Variants in PTGER4 observed in about 807,000 individuals in gnomAD.
PTGER4 encodes prostaglandin E receptor 4.
A neutral mutation model predicts 33.2 loss-of-function variants in PTGER4; 11 were observed. The ratio of observed to expected loss-of-function variants is 0.33; its 90% confidence interval spans 0.21 to 0.55. The LOEUF (loss-of-function observed/expected upper bound fraction) is 0.55, where lower values mean the gene tolerates loss of function less well. PTGER4 is among the 20% of genes least tolerant of loss of function. PTGER4 has a pLI of 0.92. For missense variants in PTGER4, 481 were observed against 650.2 expected, an observed-to-expected ratio of 0.74 and a Z score of 2.83; for synonymous variants, 275 against 281.5, an observed-to-expected ratio of 0.98 and a Z score of 0.23.
At chr5:40,731,452 T>A in the PTGER4 span, among the ~76,000 whole-genome samples, 1 of 152,180 alleles carries the variant, frequency 6.6e-6, no homozygotes, top group African/African-American at 2.4e-5. Context: ...GGAAAGAGGT[T>A]TAATTGACTC....
chr5:40,699,337 T>C, the PTGER4 span, among the ~76,000 whole-genome samples: 3 of 150,520 alleles, frequency 2.0e-5, no homozygotes, highest in South Asian at 6.4e-4. Context: ...ATTTACACAA[T>C]AGCTATTTTT....
chr5:40,735,326 C>A, the PTGER4 span, among the ~76,000 whole-genome samples: 1 of 152,022 alleles, frequency 6.6e-6, no homozygotes, highest in African/African-American at 2.4e-5. Context: ...AGATATGAGA[C>A]AACCAAAGTA....
the PTGER4 span, among the ~76,000 whole-genome samples, chr5:40,738,567 T>TATAAA: frequency 0.019 from 1,314 of 67,406 alleles, 49 homozygotes; most frequent in Non-Finnish European, 0.025. Context: ...TAAAATAAAA[T>TATAAA]ATAAAATAAA....
chr5:40,682,128 A>G (rs1741211811), intron 2 of PTGER4, among the ~76,000 whole-genome samples: 1 of 150,466 alleles, frequency 6.6e-6, no homozygotes. Flanking sequence ...GACAGCCCTT[A>G]CCCCTTGCTG....
At chr5:40,734,332 A>T in the PTGER4 span, among the ~76,000 whole-genome samples, 1 of 152,314 alleles carries the variant, frequency 6.6e-6, no homozygotes, top group Admixed American at 6.5e-5. Flanking sequence ...GACTGAACAG[A>T]CACAGCCCTA....
chr5:40,734,316 G>GAACAGACT, the PTGER4 span, among the ~76,000 whole-genome samples: 45,303 of 152,054 alleles, frequency 0.3, 7,001 homozygotes, highest in East Asian at 0.56. Flanking sequence ...ACTTCAGTTT[G>GAACAGACT]GAACAGACTG....
At chr5:40,730,279 A>G in the PTGER4 span, 2 of 1,607,868 alleles carry the variant, frequency 1.2e-6, no homozygotes, top group East Asian at 2.2e-5. Context: ...TTCATCTCGT[A>G]TAGGGTAGCA....
chr5:40,720,403 G>A, the PTGER4 span, among the ~76,000 whole-genome samples: 1 of 152,112 alleles, frequency 6.6e-6, no homozygotes, highest in African/African-American at 2.4e-5. Flanking sequence ...TGATCTATAT[G>A]TCTACATTAT....
the PTGER4 span, among the ~76,000 whole-genome samples, chr5:40,738,572 A>AATAAAAT: frequency 5.2e-3 from 380 of 72,518 alleles, 4 homozygotes; most frequent in African/African-American, 6.7e-3. Flanking sequence ...TAAAATATAA[A>AATAAAAT]ATAAAATAAA....
intron 2 of PTGER4, chr5:40,685,542 A>T (rs1741302457): frequency 3.7e-6 from 3 of 801,412 alleles, no homozygotes; most frequent in African/African-American, 3.7e-5. Context: ...GGCTAAGTTT[A>T]AAAAATTGCA....
At chr5:40,706,103 A>C in the PTGER4 span, among the ~76,000 whole-genome samples, 1 of 152,216 alleles carries the variant, frequency 6.6e-6, no homozygotes, top group Non-Finnish European at 1.5e-5. Context: ...CAGACTGGCT[A>C]AAGAAAATAT....
At chr5:40,694,288 C>A (rs1210846124), downstream of PTGER4, among the ~76,000 whole-genome samples, 1 of 152,178 alleles carries the variant, frequency 6.6e-6, no homozygotes, top group African/African-American at 2.4e-5. Flanking sequence ...TGGCTTCAAG[C>A]AGCCTGCCCA....
downstream of PTGER4, among the ~76,000 whole-genome samples, chr5:40,695,747 A>AAAG (rs1204558237): frequency 6.6e-6 from 1 of 152,152 alleles, no homozygotes; most frequent in Non-Finnish European, 1.5e-5. Flanking sequence ...CGGTCATAAA[A>AAAG]AAGAATGAAT....
the PTGER4 span, among the ~76,000 whole-genome samples, chr5:40,732,574 A>C: frequency 6.6e-6 from 1 of 151,902 alleles, no homozygotes; most frequent in Non-Finnish European, 1.5e-5. Flanking sequence ...CAGTACCCAG[A>C]ACATTTCTGG....
At chr5:40,707,150 T>A in the PTGER4 span, among the ~76,000 whole-genome samples, 1 of 152,160 alleles carries the variant, frequency 6.6e-6, no homozygotes, top group African/African-American at 2.4e-5. Flanking sequence ...GCTCACATCA[T>A]AATGACAGGA....
At chr5:40,712,455 A>T in the PTGER4 span, among the ~76,000 whole-genome samples, 756 of 152,244 alleles carry the variant, frequency 5.0e-3, 7 homozygotes, top group African/African-American at 0.017. Flanking sequence ...TCAATATTTT[A>T]AGTTTACTGC....
Position 40,684,174 on chromosome 5 carries a change from G to A in PTGER4, c.867+2314G>A, listed in dbSNP as rs1402747935. On this transcript the variant is annotated intron_variant, in intron 2 of 2. Coordinates refer to ENST00000302472, the MANE Select transcript of PTGER4 (RefSeq NM_000958.3). ...TACTGAAATAATCAAAAACCCTTCC[G>A]CAAATACAGTCTTCCTTGGCTTCCT... 6.7e-5 allele frequency among the ~76,000 whole-genome samples: 8 copies of A among 119,256 alleles called. No homozygotes were observed. The Admixed American group carries it at 7.4e-4, about 11-fold the overall frequency. 78.2% of individuals were successfully genotyped at this position (119,256 alleles called of 152,430 possible).
At chr5:40,682,631 T>C (rs1033833263) in intron 2 of PTGER4, among the ~76,000 whole-genome samples, 4 of 152,226 alleles carry the variant, frequency 2.6e-5, no homozygotes, top group African/African-American at 9.6e-5. Context: ...TGACTAATTA[T>C]GGACAGGCTG....
the PTGER4 span, among the ~76,000 whole-genome samples, chr5:40,707,457 G>C: frequency 6.6e-6 from 1 of 152,256 alleles, no homozygotes; most frequent in Admixed American, 6.5e-5. Flanking sequence ...ATGGTAAAGA[G>C]AGAAATTCAA....
Sources: allele counts gnomAD v4.1 joint callset (sites outside exome capture counted in the v4.1 genomes callset), GRCh38; gene constraint gnomAD v4.1.1; transcripts MANE v1.5; gene names NCBI Gene and HGNC (gene_info 2026-07-23, HGNC 2026-07-21).